The following GPT2 variants were observed in gnomAD, a reference collection of about 807,000 sequenced individuals.
GPT2 encodes the protein alanine aminotransferase 2.
In GPT2, 30 loss-of-function variants were observed where a neutral mutation model predicts 56.9. The ratio of observed to expected loss-of-function variants is 0.53; its 90% confidence interval spans 0.39 to 0.72. The LOEUF is 0.72. GPT2 is among the 30% of genes least tolerant of loss of function. GPT2 has a pLI of 0.00. For missense variants in GPT2, 542 were observed against 703.4 expected (o/e 0.77, Z 2.60); for synonymous variants, 271 against 283.1 (o/e 0.96, Z 0.43).
In GPT2 at chr16:46,884,808, CTCG is replaced by C; in HGVS notation, c.94_96del (p.Ser32del). The C allele has an allele frequency of 6.5e-7, 1 of 1,527,524 alleles. No homozygotes were observed. The highest frequency in any genetic ancestry group is 1.2e-5 in the South Asian group (1 of 81,498). The allele number at this position is 1,527,524 out of a possible 1,614,324, so 94.6% of individuals were successfully genotyped here. A position where few individuals can be genotyped will look rare whatever the true frequency, so the allele number is the denominator to read the frequency against. ...GCCAGAGCAGCGCGGCCGCCGAGGC[CTCG>C]GCGGTGCTCAAGGTGCGGCCCGAGC... On this transcript the variant is annotated inframe_deletion, in exon 2 of 12. Coordinates refer to ENST00000340124, the MANE Select transcript of GPT2 (RefSeq NM_133443.4).
chr16:46,930,287 C>T lies in GPT2; in HGVS notation c.*1290C>T, dbSNP rs1212169458. ...AGGCTGCGGTGCTACGGGCTTAGCC[C>T]TCGCCTCCCTCACTGGGAGCTTCCC... is the stretch of plus-strand genomic sequence containing the variant. On this transcript the variant is annotated 3_prime_UTR_variant, in exon 12 of 12. Transcript: ENST00000340124. The T allele has an allele frequency of 6.6e-6, 1 of 152,272 alleles. No homozygotes were observed. Among genetic ancestry groups the T allele is most frequent in the African/African-American group, 2.4e-5 (1 of 41,478 alleles). 9.4% of individuals were successfully genotyped at this position (152,272 alleles called of 1,614,324 possible).
At chr16:46,885,729 C>T (rs979071834) in intron 2 of GPT2, among the ~76,000 whole-genome samples, 1 of 151,944 alleles carries the variant, frequency 6.6e-6, no homozygotes, top group Non-Finnish European at 1.5e-5. Flanking sequence ...TTCTGCCTCC[C>T]CACAACCAGG....
Position 46,926,951 on chromosome 16 carries a change from C to G in GPT2, c.1395C>G (p.Phe465Leu), listed in dbSNP as rs1416568197. 2.5e-6 allele frequency: 4 copies of G among 1,602,942 alleles called. No homozygotes were observed. Among genetic ancestry groups the G allele is most frequent in the Non-Finnish European group, 3.4e-6 (4 of 1,175,292 alleles). Residue 465 changes from phenylalanine (F) to leucine (L), a missense_variant, in exon 11 of 12, where the codon TTC (phenylalanine) becomes TTG (leucine). By Grantham distance (22) the Phe-to-Leu change is conservative. Transcript: ENST00000340124. ...AQAHQMAPDM[F>L]YCMKLLEETG... ...CCCATCAAATGGCTCCAGACATGTT[C>G]TACTGCATGAAGCTCCTGGAGGAGA...
At chr16:46,922,474 G>T in intron 9 of GPT2, 58 bp downstream of exon 9, 1 of 1,503,192 alleles carries the variant, frequency 6.7e-7, no homozygotes. Context: ...AGTTCCTGCT[G>T]GGCCAGTGGC....
At chr16:46,899,012 T>C (rs1596865833) in intron 3 of GPT2, among the ~76,000 whole-genome samples, 17 of 2,076 alleles carry the variant, frequency 8.2e-3, no homozygotes, top group Non-Finnish European at 0.014. Context: ...TATATATATA[T>C]ATATATATAT....
chr16:46,909,985 C>T, intron 6 of GPT2, 58 bp downstream of exon 6: 2 of 1,519,118 alleles, frequency 1.3e-6, no homozygotes, highest in Middle Eastern at 1.8e-4. Context: ...GATACACTGG[C>T]TGTCTAGAAA....
chr16:46,898,866 A>G (rs1342853856), intron 3 of GPT2, among the ~76,000 whole-genome samples: 1 of 145,928 alleles, frequency 6.9e-6, no homozygotes, highest in Non-Finnish European at 1.5e-5. Context: ...ATTTATATTT[A>G]TATACATATA....
At chr16:46,905,941 A>T (rs1960916068) in intron 4 of GPT2, among the ~76,000 whole-genome samples, 1 of 152,106 alleles carries the variant, frequency 6.6e-6, no homozygotes, top group Non-Finnish European at 1.5e-5. Context: ...TTTCAACCCT[A>T]AATGGCAGCG....
chr16:46,896,299 C>T (rs1210492216), intron 2 of GPT2, among the ~76,000 whole-genome samples: 3 of 152,214 alleles, frequency 2.0e-5, no homozygotes, highest in East Asian at 1.9e-4. Context: ...GCTCTGCTTT[C>T]GCCTTTGCAG....
At position 46,897,660 on chromosome 16, in the gene GPT2, C is replaced by A. The variant is rs926798469; in HGVS notation, c.256C>A (p.Pro86Thr). ...TCTCTCTGCCCAGGGTATCAAAAAG[C>A]CATTCACAGAGGTCATCCGAGCCAA... is the stretch of plus-strand genomic sequence containing the variant. Reference protein sequence around the residue: ...ELELQRGIKKPFTEVIRANIG... With the variant: ...ELELQRGIKKTFTEVIRANIG... Residue 86 changes from proline (P) to threonine (T), a missense_variant, in exon 3 of 12, where the codon CCA becomes ACA. Coordinates refer to ENST00000340124, the MANE Select transcript of GPT2 (RefSeq NM_133443.4). The A allele has an allele frequency of 1.2e-6, 2 of 1,613,862 alleles. No individual in the cohort carries two copies. The highest frequency in any genetic ancestry group is 1.7e-6 in the Non-Finnish European group (2 of 1,179,870).
intron 10 of GPT2, among the ~76,000 whole-genome samples, chr16:46,925,383 G>A (rs917587634): frequency 2.0e-5 from 3 of 152,060 alleles, no homozygotes; most frequent in African/African-American, 7.2e-5. Flanking sequence ...CATAACACCC[G>A]GATAATTTTT....
Position 46,924,371 on chromosome 16 carries a change from GTTTCCA to G in GPT2, c.1213-16_1213-11del. 1.2e-6 allele frequency: 2 copies of G among 1,614,042 alleles called. No homozygotes were observed. Among genetic ancestry groups the G allele is most frequent in the Non-Finnish European group, 1.7e-6 (2 of 1,179,878 alleles). ...ATCCAGAGATACTGACTGCTGTGCTGTTTCCATCTCTCATCAGGAGAAGGAGTCGGT... is the reference window on the plus strand; with the variant it reads ...ATCCAGAGATACTGACTGCTGTGCTGTCTCTCATCAGGAGAAGGAGTCGGT... On this transcript the variant is annotated splice_polypyrimidine_tract_variant and intron_variant, in intron 9 of 11. Coordinates refer to ENST00000340124, the MANE Select transcript of GPT2 (RefSeq NM_133443.4).
intron 8 of GPT2, among the ~76,000 whole-genome samples, chr16:46,921,614 C>T (rs1485941703): frequency 2.0e-5 from 3 of 152,166 alleles, no homozygotes; most frequent in African/African-American, 7.2e-5. Flanking sequence ...TTTGCAGCCA[C>T]ACACCAGAGA....
In GPT2 at chr16:46,924,478, C is replaced by A; in HGVS notation, c.1302C>A (p.Pro434=). ...AAGTCCCAGGAATTCACTGCAACCC[C>A]TTGCAGGGGGCCATGTACGCCTTCC... The part of the protein sequence containing the change: ...FNQVPGIHCN[P]LQGAMYAFPR... Residue 434 remains proline (P), a synonymous_variant, in exon 10 of 12, where the codon CCC becomes CCA. Transcript: ENST00000340124. 6.2e-7 allele frequency: 1 copy of A among 1,614,228 alleles called. No homozygotes were observed. Among genetic ancestry groups the A allele is most frequent in the Non-Finnish European group, 8.5e-7 (1 of 1,180,022 alleles).
In GPT2 at chr16:46,900,768, G is replaced by A. The variant is rs1037477114; in HGVS notation, c.420G>A (p.Gln140=). The A allele has an allele frequency of 4.3e-6, 7 of 1,613,974 alleles. No individual in the cohort carries two copies. In the African/African-American group the frequency reaches 5.3e-5, roughly 12 times the overall value. ...DAKKRARRIL[Q]ACGGNSLGSY... ...AGAAACGTGCCCGGCGGATCCTGCA[G>A]GCTTGTGGCGGGAACAGCCTGGGTG... Residue 140 remains glutamine (Q), a synonymous_variant, in exon 4 of 12, where the codon CAG becomes CAA. Coordinates refer to ENST00000340124, the MANE Select transcript of GPT2 (RefSeq NM_133443.4).
intron 2 of GPT2, among the ~76,000 whole-genome samples, chr16:46,888,237 A>G (rs2143327611): frequency 6.6e-6 from 1 of 152,384 alleles, no homozygotes; most frequent in Non-Finnish European, 1.5e-5. Context: ...GTAAAAGCAG[A>G]GGGTGCTAAG....
Position 46,909,746 on chromosome 16 carries a change from C to T in GPT2, c.639C>T (p.Ile213=). 6.2e-7 allele frequency: 1 copy of T among 1,614,130 alleles called. No individual in the cohort carries two copies. Among genetic ancestry groups the T allele is most frequent in the Non-Finnish European group, 8.5e-7 (1 of 1,180,014 alleles). The change falls in exon 6 of 12, where the codon ATC becomes ATT. Residue 213 remains isoleucine, a synonymous_variant. Coordinates refer to ENST00000340124, the MANE Select transcript of GPT2 (RefSeq NM_133443.4). The stretch of plus-strand genomic sequence containing the variant: ...CACGGACAGGTGTGATGATCCCCAT[C>T]CCACAATATCCCCTCTATTCAGCTG... ...GKSRTGVMIP[I]PQYPLYSAVI... is the part of the protein sequence containing the mutation.
intron 4 of GPT2, among the ~76,000 whole-genome samples, chr16:46,901,326 C>G (rs183724038): frequency 1.3e-5 from 2 of 152,176 alleles, no homozygotes; most frequent in Non-Finnish European, 2.9e-5. Context: ...CAAGCCGGCC[C>G]TCACTCATCC....
chr16:46,890,424 C>T (rs981422360), intron 2 of GPT2, among the ~76,000 whole-genome samples: 2 of 152,176 alleles, frequency 1.3e-5, no homozygotes, highest in African/African-American at 4.8e-5. Flanking sequence ...CCTTCTTATT[C>T]TTCACCAGCC....
Sources: allele counts gnomAD v4.1 joint callset (sites outside exome capture counted in the v4.1 genomes callset), GRCh38; gene constraint gnomAD v4.1.1; transcripts MANE v1.5; gene names NCBI Gene and HGNC (gene_info 2026-07-23, HGNC 2026-07-21).